IL1RAPL1: variants seen among roughly 807,000 people sequenced by gnomAD.
IL1RAPL1 encodes the protein interleukin 1 receptor accessory protein like 1, also known as interleukin-1 receptor accessory protein-like 1.
Under a neutral mutation model 48.4 loss-of-function variants are expected in IL1RAPL1, and 3 were observed. The ratio of observed to expected loss-of-function variants is 0.06; its 90% CI spans 0.03 to 0.16. The LOEUF is 0.16. Ranked by LOEUF, IL1RAPL1 falls within the 10% of genes least tolerant of loss-of-function variation. The pLI, the probability that IL1RAPL1 is intolerant of heterozygous loss-of-function variation, is 1.00. For missense variants in IL1RAPL1, 349 were observed against 530.6 expected, an observed-to-expected ratio of 0.66 and a Z score of 3.36; for synonymous variants, 185 against 187.7, an observed-to-expected ratio of 0.99 and a Z score of 0.12.
chrX:29,756,466 G>A (rs930660449), intron 6 of IL1RAPL1, among the ~76,000 whole-genome samples: 1 of 111,173 alleles, frequency 9.0e-6, no homozygotes, highest in African/African-American at 3.3e-5. Flanking sequence ...ATACTGGGGT[G>A]CAGTGGTACT....
chrX:28,798,438 C>T (rs1461248022), intron 2 of IL1RAPL1, among the ~76,000 whole-genome samples: 1 of 111,946 alleles, frequency 8.9e-6, no homozygotes, highest in African/African-American at 3.2e-5. Context: ...TCTGACCCTT[C>T]TACCTCTCTC....
chrX:28,728,973 C>T (rs901973035), intron 1 of IL1RAPL1, among the ~76,000 whole-genome samples: 1 of 111,599 alleles, frequency 9.0e-6, no homozygotes, highest in Non-Finnish European at 1.9e-5. Flanking sequence ...TTCTTTTTCA[C>T]TTTAAAAGTT....
At chrX:29,734,023 A>G (rs1302874914) in intron 6 of IL1RAPL1, among the ~76,000 whole-genome samples, 1 of 112,904 alleles carries the variant, frequency 8.9e-6, no homozygotes, top group Admixed American at 9.3e-5. Context: ...GTTGAAACAG[A>G]TGCGACCACT....
At chrX:29,950,350 G>A (rs765365030) in intron 9 of IL1RAPL1, among the ~76,000 whole-genome samples, 3 of 111,725 alleles carry the variant, frequency 2.7e-5, no homozygotes, top group Non-Finnish European at 5.6e-5. Context: ...GTATTAGGAC[G>A]ATCTATCATG....
rs761065552 is a variant in IL1RAPL1, at chrX:29,230,596, C to A, written c.83-52342C>A. The stretch of plus-strand genomic sequence containing the variant: ...AGCCTATTTCATCTCCCCATCCCTT[C>A]CTACAATCGTTTATACTACTGAAAA... On this transcript the variant is annotated intron_variant, in intron 2 of 10. Transcript: ENST00000378993. Among the ~76,000 whole-genome samples the A allele has an allele frequency of 3.8e-5, 4 of 105,799 alleles. No homozygotes were observed. The East Asian group carries it at 1.2e-3, about 31-fold the overall frequency. The allele number at this position is 105,799 out of a possible 115,157, so 91.9% of individuals were successfully genotyped here. A position where few individuals can be genotyped will look rare whatever the true frequency, so the allele number is the denominator to read the frequency against.
intron 6 of IL1RAPL1, among the ~76,000 whole-genome samples, chrX:29,872,688 A>G (rs761904052): frequency 1.8e-5 from 2 of 111,835 alleles, no homozygotes; most frequent in South Asian, 7.5e-4. Flanking sequence ...TTCAGCTAAC[A>G]ATCTCTTCTT....
intron 2 of IL1RAPL1, among the ~76,000 whole-genome samples, chrX:29,083,881 G>A (rs1351621618): frequency 9.0e-6 from 1 of 111,552 alleles, no homozygotes; most frequent in Non-Finnish European, 1.9e-5. Flanking sequence ...GGCAAAGAGA[G>A]CTACCAGTAT....
chrX:29,298,901 A>G (rs1342217800), intron 3 of IL1RAPL1, among the ~76,000 whole-genome samples: 1 of 111,058 alleles, frequency 9.0e-6, no homozygotes, highest in Non-Finnish European at 1.9e-5. Context: ...ACTTGATTGG[A>G]TTGAAGGATG....
At chrX:28,753,245 A>G (rs1936064510) in intron 1 of IL1RAPL1, among the ~76,000 whole-genome samples, 1 of 112,017 alleles carries the variant, frequency 8.9e-6, no homozygotes, top group South Asian at 3.7e-4. Flanking sequence ...GCTGACCCCT[A>G]CTATGGATAT....
chrX:29,640,045 A>G (rs1319004995), intron 5 of IL1RAPL1, among the ~76,000 whole-genome samples: 1 of 111,987 alleles, frequency 8.9e-6, no homozygotes, highest in Non-Finnish European at 1.9e-5. Flanking sequence ...CACTGTGGCT[A>G]CAGCTGGTGT....
chrX:29,060,926 T>G (rs1171165526), intron 2 of IL1RAPL1, among the ~76,000 whole-genome samples: 1 of 111,611 alleles, frequency 9.0e-6, no homozygotes, highest in Non-Finnish European at 1.9e-5. Context: ...TACTTTCACT[T>G]AGGATGAAAT....
At chrX:29,378,652 G>T (rs1313809011) in intron 3 of IL1RAPL1, among the ~76,000 whole-genome samples, 2 of 112,052 alleles carry the variant, frequency 1.8e-5, no homozygotes, top group Non-Finnish European at 3.8e-5. Flanking sequence ...AATGTTTTTG[G>T]TGCTGTAGTT....
intron 1 of IL1RAPL1, among the ~76,000 whole-genome samples, chrX:28,778,044 C>G (rs1268863521): frequency 9.0e-6 from 1 of 111,638 alleles, no homozygotes; most frequent in Admixed American, 9.5e-5. Flanking sequence ...GGTCATCAGT[C>G]TCTTTGAAAT....
intron 1 of IL1RAPL1, among the ~76,000 whole-genome samples, chrX:28,633,305 C>T: frequency 9.0e-6 from 1 of 111,269 alleles, no homozygotes; most frequent in Non-Finnish European, 1.9e-5. Flanking sequence ...CATTGGTGGT[C>T]CCTGTAGCAC....
At chrX:29,325,968 C>T (rs1044908205) in intron 3 of IL1RAPL1, among the ~76,000 whole-genome samples, 2 of 111,491 alleles carry the variant, frequency 1.8e-5, no homozygotes, top group African/African-American at 6.5e-5. Context: ...ATTCTGAGTA[C>T]AGCACCAAGC....
chrX:28,886,008 CA>C (rs1003299574), intron 2 of IL1RAPL1, among the ~76,000 whole-genome samples: 1 of 110,463 alleles, frequency 9.1e-6, no homozygotes, highest in African/African-American at 3.3e-5. Flanking sequence ...TTTAATTTGC[CA>C]CTTTATAACT....
chrX:29,585,789 C>T (rs1454457841), intron 5 of IL1RAPL1, among the ~76,000 whole-genome samples: 1 of 112,258 alleles, frequency 8.9e-6, no homozygotes. Flanking sequence ...ATTTTTCTCA[C>T]ATACCTGTTG....
intron 8 of IL1RAPL1, among the ~76,000 whole-genome samples, chrX:29,928,464 A>G (rs772151239): frequency 6.2e-5 from 7 of 112,115 alleles, no homozygotes; most frequent in Non-Finnish European, 1.1e-4. Context: ...GTTGATTGAC[A>G]ATACTTCATA....
intron 2 of IL1RAPL1, among the ~76,000 whole-genome samples, chrX:29,072,421 T>C: frequency 9.0e-6 from 1 of 111,669 alleles, no homozygotes; most frequent in African/African-American, 3.3e-5. Flanking sequence ...GGTCGTGAGG[T>C]CAACTAATTT....
Sources: gnomAD v4.1 joint callset for allele counts (sites outside exome capture counted in the v4.1 genomes callset) on GRCh38, gnomAD v4.1.1 for gene constraint, MANE v1.5 for transcripts, NCBI Gene and HGNC (gene_info 2026-07-23, HGNC 2026-07-21) for gene names.